Variants in MAPRE2 observed in about 807,000 individuals in gnomAD.
The protein encoded by MAPRE2 is microtubule associated protein RP/EB family member 2.
MAPRE2 carries 13 observed loss-of-function variants against 43.2 expected under a neutral mutation model. That is an observed-to-expected ratio of 0.30 (90% confidence interval 0.20 to 0.48). The LOEUF (loss-of-function observed/expected upper bound fraction) is 0.48. MAPRE2 is among the 20% of genes least tolerant of loss of function. The probability of loss-of-function intolerance (pLI) is 0.99; values close to 1 mark genes in which losing one functional copy is unlikely to be tolerated. For synonymous variants in MAPRE2, 135 were observed against 148.8 expected (o/e 0.91, Z 0.68); for missense variants, 161 against 400.2 (o/e 0.40, Z 5.10).
At chr18:35,098,878 T>G (rs556029671) in intron 3 of MAPRE2, among the ~76,000 whole-genome samples, 2 of 152,356 alleles carry the variant, frequency 1.3e-5, no homozygotes, top group Admixed American at 1.3e-4. Flanking sequence ...AAAAAATTAT[T>G]GCAGTGGAAG....
chr18:35,116,913 G>A (rs886414469), intron 4 of MAPRE2, among the ~76,000 whole-genome samples: 1 of 152,104 alleles, frequency 6.6e-6, no homozygotes, highest in South Asian at 2.1e-4. Flanking sequence ...TTGTCACACC[G>A]AGGTTACACT....
At chr18:35,123,897 T>C (rs1007922946) in intron 4 of MAPRE2, among the ~76,000 whole-genome samples, 10 of 152,190 alleles carry the variant, frequency 6.6e-5, no homozygotes, top group African/African-American at 7.2e-5. Flanking sequence ...TTTATGTTCA[T>C]GGGAGAAGTA....
In MAPRE2 at chr18:35,127,246, A is replaced by T. The variant is rs11872803; in HGVS notation, c.750+159A>T. The T allele has an allele frequency of 4.0e-3, 2,734 of 688,416 alleles. 64 individuals carry two copies. The African/African-American group carries it at 0.045, about 11-fold the overall frequency. 42.6% of individuals were successfully genotyped at this position (688,416 alleles called of 1,614,324 possible). On this transcript the variant is annotated intron_variant, in intron 5 of 6. Coordinates refer to ENST00000300249, the MANE Select transcript of MAPRE2 (RefSeq NM_014268.4). ...AAAAGAATTGTTCGAAGACAAAATC[A>T]GTAGCCCATGATGAATAAAAAGTGT...
chr18:35,095,985 C>G (rs1210715793), intron 2 of MAPRE2, among the ~76,000 whole-genome samples: 1 of 152,118 alleles, frequency 6.6e-6, no homozygotes, highest in African/African-American at 2.4e-5. Context: ...TCGTTATGGC[C>G]TATGTTTTAT....
intron 5 of MAPRE2, 101 bp from the exon 6 acceptor site, chr18:35,131,931 C>G: frequency 2.9e-6 from 2 of 691,360 alleles, no homozygotes; most frequent in Non-Finnish European, 4.3e-6. Context: ...ATTTCTGCTT[C>G]TCTCTCTCTC....
At chr18:34,993,992 CTTTTTTTT>C (rs11301716) in intron 1 of MAPRE2, among the ~76,000 whole-genome samples, 4 of 120,034 alleles carry the variant, frequency 3.3e-5, no homozygotes, top group African/African-American at 6.0e-5. Context: ...CATGGATTTT[CTTTTTTTT>C]TTTTTTTTTT....
At chr18:35,126,897 A>G in intron 4 of MAPRE2, 51 bp from the exon 5 acceptor site, 1 of 1,556,634 alleles carries the variant, frequency 6.4e-7, no homozygotes, top group South Asian at 1.2e-5. Context: ...ATGTATCTAA[A>G]ACACACTTTT....
At chr18:35,048,513 C>A (rs1385785790) in intron 1 of MAPRE2, among the ~76,000 whole-genome samples, 2 of 150,172 alleles carry the variant, frequency 1.3e-5, no homozygotes, top group African/African-American at 2.4e-5. Flanking sequence ...ATATGTGTTA[C>A]ATATAGTATT....
chr18:34,994,950 C>T (rs2097025719), intron 1 of MAPRE2, among the ~76,000 whole-genome samples: 1 of 152,146 alleles, frequency 6.6e-6, no homozygotes, highest in Non-Finnish European at 1.5e-5. Flanking sequence ...CAGGGTAGCC[C>T]TCAAAGATCC....
chr18:35,134,129 T>G (rs562378639), intron 6 of MAPRE2, among the ~76,000 whole-genome samples: 1 of 152,340 alleles, frequency 6.6e-6, no homozygotes, highest in East Asian at 1.9e-4. Flanking sequence ...GCTTATTAGC[T>G]CCTATAATTC....
intron 1 of MAPRE2, among the ~76,000 whole-genome samples, chr18:34,987,094 A>G (rs1417340783): frequency 6.6e-6 from 1 of 152,234 alleles, no homozygotes; most frequent in Non-Finnish European, 1.5e-5. Context: ...GGAAATAAAA[A>G]GTAAAACAAG....
chr18:35,136,302 TC>T (rs1211997053), intron 6 of MAPRE2, among the ~76,000 whole-genome samples: 3 of 152,188 alleles, frequency 2.0e-5, no homozygotes, highest in Non-Finnish European at 4.4e-5. Flanking sequence ...GTTACTTGTT[TC>T]CTGCAGGGAC....
chr18:34,999,586 A>T (rs1486812131), intron 1 of MAPRE2, among the ~76,000 whole-genome samples: 2 of 152,208 alleles, frequency 1.3e-5, no homozygotes, highest in South Asian at 2.1e-4. Flanking sequence ...AACCTAAATC[A>T]TATGACCATC....
At chr18:35,065,407 G>A (rs888764199) in intron 1 of MAPRE2, among the ~76,000 whole-genome samples, 1 of 152,076 alleles carries the variant, frequency 6.6e-6, no homozygotes, top group Non-Finnish European at 1.5e-5. Context: ...TCAAGTAGGG[G>A]CAATAAATGC....
In MAPRE2 at chr18:35,065,981, G is replaced by A. The variant is rs73426708; in HGVS notation, c.123-4214G>A. ...GACAGAGAGATGCTCATGTCCCAGA[G>A]GCCATGTGGCAAGTCACCTAAGAAT... On this transcript the variant is annotated intron_variant, in intron 1 of 6. Transcript: ENST00000300249. 1.5e-3 allele frequency among the ~76,000 whole-genome samples: 228 copies of A among 152,342 alleles called. 1 individual carries two copies. The highest frequency in any genetic ancestry group is 5.2e-3 in the African/African-American group (216 of 41,576).
chr18:34,993,703 G>A (rs570911673), intron 1 of MAPRE2, among the ~76,000 whole-genome samples: 27 of 152,284 alleles, frequency 1.8e-4, no homozygotes, highest in Admixed American at 1.1e-3. Context: ...TGGCCAGGCC[G>A]TGGTGTTACT....
At chr18:35,099,731 A>G (rs1271441355) in intron 3 of MAPRE2, among the ~76,000 whole-genome samples, 4 of 152,340 alleles carry the variant, frequency 2.6e-5, no homozygotes, top group Non-Finnish European at 5.9e-5. Flanking sequence ...ACATATCACC[A>G]CCAAAGTCTA....
intron 6 of MAPRE2, among the ~76,000 whole-genome samples, chr18:35,135,361 C>T (rs557044369): frequency 3.9e-5 from 6 of 152,258 alleles, no homozygotes; most frequent in Non-Finnish European, 7.4e-5. Flanking sequence ...CCGAGAGGCT[C>T]AGGAGCAGCT....
chr18:34,977,908 C>G, intron 1 of MAPRE2, among the ~76,000 whole-genome samples: 1 of 152,140 alleles, frequency 6.6e-6, no homozygotes, highest in South Asian at 2.1e-4. Context: ...CCCTCTGAAC[C>G]TGGGGCGCTC....
Sources: gnomAD v4.1 joint callset for allele counts (sites outside exome capture counted in the v4.1 genomes callset) on GRCh38, gnomAD v4.1.1 for gene constraint, MANE v1.5 for transcripts, NCBI Gene and HGNC (gene_info 2026-07-23, HGNC 2026-07-21) for gene names.